The following POT1 variants were observed in gnomAD, a reference collection of about 807,000 sequenced individuals.
POT1 encodes protection of telomeres protein 1.
In POT1, 47 loss-of-function variants were observed where a neutral mutation model predicts 78.5. The observed-to-expected ratio is 0.60, with a 90% CI of 0.47 to 0.76. The LOEUF is 0.76. Among genes scored for constraint, POT1 ranks in the 30% least tolerant of loss-of-function variants. The pLI, the probability that POT1 is intolerant of heterozygous loss-of-function variation, is 0.00. For missense variants in POT1, 646 were observed against 749.9 expected (o/e 0.86, Z 1.62); for synonymous variants, 259 against 260.7 (o/e 0.99, Z 0.06).
At chr7:124,892,801 T>G (rs1476376908) in intron 5 of POT1, 2 of 151,682 alleles carry the variant, frequency 1.3e-5, no homozygotes, top group African/African-American at 4.8e-5. Flanking sequence ...AACTTCATTG[T>G]AAATCAAGGA....
intron 10 of POT1, among the ~76,000 whole-genome samples, chr7:124,852,735 A>T (rs752725941): frequency 6.6e-6 from 1 of 152,134 alleles, no homozygotes; most frequent in Non-Finnish European, 1.5e-5. Context: ...GAAGAGAAGC[A>T]TGAGTGTAAA....
intron 6 of POT1, among the ~76,000 whole-genome samples, chr7:124,890,644 C>T (rs1365755098): frequency 6.6e-6 from 1 of 151,850 alleles, no homozygotes; most frequent in Non-Finnish European, 1.5e-5. Flanking sequence ...CCTATCATCT[C>T]CACCAGCAAA....
At chr7:124,868,875 G>A (rs10253613) in intron 7 of POT1, among the ~76,000 whole-genome samples, 32,670 of 150,798 alleles carry the variant, frequency 0.22, 3,950 homozygotes, top group East Asian at 0.3. Context: ...GATTATTTAA[G>A]AATTATTTAT....
At chr7:124,831,008 A>C (rs935183508) in intron 15 of POT1, among the ~76,000 whole-genome samples, 1 of 152,210 alleles carries the variant, frequency 6.6e-6, no homozygotes, top group East Asian at 1.9e-4. Context: ...AGATGTGAAC[A>C]TGGAATTCAT....
chr7:124,876,248 T>C (rs1795987672), intron 6 of POT1, among the ~76,000 whole-genome samples: 2 of 152,262 alleles, frequency 1.3e-5, no homozygotes, highest in South Asian at 4.1e-4. Context: ...GCTATGTTTA[T>C]ATCCTTTTTA....
At chr7:124,891,088 G>A (rs1019042316) in intron 6 of POT1, among the ~76,000 whole-genome samples, 2 of 151,570 alleles carry the variant, frequency 1.3e-5, no homozygotes, top group Non-Finnish European at 3.0e-5. Flanking sequence ...CTGTCTGGAT[G>A]GTCTCCCCCA....
At chr7:124,898,534 T>C (rs1429981936) in intron 3 of POT1, among the ~76,000 whole-genome samples, 160 bp from the exon 4 acceptor site, 1 of 151,944 alleles carries the variant, frequency 6.6e-6, no homozygotes, top group Non-Finnish European at 1.5e-5. Context: ...GCTGAATACA[T>C]TATTTAGACT....
chr7:124,850,731 C>CA lies in POT1; in HGVS notation c.949+1140dup, dbSNP rs948338250. Among the ~76,000 whole-genome samples the CA allele has an allele frequency of 1.0e-2, 1,440 of 144,038 alleles. 19 individuals carry two copies. The highest frequency in any genetic ancestry group is 0.03 in the African/African-American group (1,155 of 39,152). The allele number at this position is 144,038 out of a possible 152,430, so 94.5% of individuals were successfully genotyped here. A position where few individuals can be genotyped will look rare whatever the true frequency, so the allele number is the denominator to read the frequency against. On this transcript the variant is annotated intron_variant, in intron 11 of 18. Transcript: ENST00000357628. ...TGGGAGACAGAGCAAGACTCTGTCTCAAAAAAAAACAAAACAAACAAACAA... is the reference window on the plus strand; with the variant it reads ...TGGGAGACAGAGCAAGACTCTGTCTCAAAAAAAAAACAAAACAAACAAACAA...
chr7:124,907,887 T>C (rs1248509544), intron 3 of POT1, among the ~76,000 whole-genome samples: 1 of 152,096 alleles, frequency 6.6e-6, no homozygotes, highest in African/African-American at 2.4e-5. Context: ...GATTATTTAT[T>C]TGCATATTAA....
At chr7:124,873,202 T>C (rs1795911160) in intron 6 of POT1, among the ~76,000 whole-genome samples, 1 of 152,186 alleles carries the variant, frequency 6.6e-6, no homozygotes, top group Admixed American at 6.5e-5. Flanking sequence ...CCTGAGCTTT[T>C]GAGGTCCTTT....
chr7:124,897,766 C>T (rs1177255425), intron 4 of POT1, among the ~76,000 whole-genome samples: 2 of 151,750 alleles, frequency 1.3e-5, no homozygotes, highest in African/African-American at 4.8e-5. Flanking sequence ...CAGATGTTGG[C>T]CTGCAGGCTT....
At chr7:124,902,669 A>G (rs1351325552) in intron 3 of POT1, among the ~76,000 whole-genome samples, 1 of 152,222 alleles carries the variant, frequency 6.6e-6, no homozygotes, top group East Asian at 1.9e-4. Flanking sequence ...AAATTCACAT[A>G]TAACAATATT....
In POT1 at chr7:124,897,159, T is replaced by A. The variant is rs750242979; in HGVS notation, c.9+6A>T. ...ATACTCTAAATTAAACTGAATATCATCTTACCAAAGACATTGATTCTGTAG... is the reference window on the plus strand; with the variant it reads ...ATACTCTAAATTAAACTGAATATCAACTTACCAAAGACATTGATTCTGTAG... On this transcript the variant is annotated splice_donor_region_variant and intron_variant, in intron 5 of 18. Transcript: ENST00000357628. 1 of 1,450,610 alleles carries A rather than the reference T, an allele frequency of 6.9e-7. No individual in the cohort carries two copies. The highest frequency in any genetic ancestry group is 1.2e-5 in the South Asian group (1 of 82,710). The allele number at this position is 1,450,610 out of a possible 1,614,324, so 89.9% of individuals were successfully genotyped here.
In POT1 at chr7:124,829,288, A is replaced by G; in HGVS notation, c.1560T>C (p.Asp520=). ...CAGAAGAAGGAATCCACGATGTTTT[A>G]TCAACCAGGGAATTTAGATTTTGTA... The part of the protein sequence containing the change: ...RSIQNLNSLV[D]KTSWIPSSVA... The change falls in exon 16 of 19, where the codon GAT becomes GAC. Residue 520 remains aspartate (D), a synonymous_variant. Transcript: ENST00000357628. 1 of 1,606,444 alleles carries G rather than the reference A, an allele frequency of 6.2e-7. No homozygotes were observed. Among genetic ancestry groups the G allele is most frequent in the Non-Finnish European group, 8.5e-7 (1 of 1,173,216 alleles).
chr7:124,874,482 C>T (rs1467315063), intron 6 of POT1, among the ~76,000 whole-genome samples: 6 of 152,156 alleles, frequency 3.9e-5, no homozygotes, highest in Admixed American at 6.5e-5. Context: ...CACTGTAATC[C>T]TAGCACTTTG....
chr7:124,901,049 T>C (rs1474602880), intron 3 of POT1, among the ~76,000 whole-genome samples: 1 of 152,094 alleles, frequency 6.6e-6, no homozygotes, highest in African/African-American at 2.4e-5. Context: ...CCTGCCTGCC[T>C]CTGTAGATTC....
intron 2 of POT1, among the ~76,000 whole-genome samples, chr7:124,922,563 G>C (rs1273831280): frequency 6.6e-6 from 1 of 151,888 alleles, no homozygotes; most frequent in Non-Finnish European, 1.5e-5. Flanking sequence ...TGTAACATGG[G>C]GAGTGGTACA....
chr7:124,904,997 CACAA>C (rs1238841534), intron 3 of POT1, among the ~76,000 whole-genome samples: 1 of 152,130 alleles, frequency 6.6e-6, no homozygotes, highest in Non-Finnish European at 1.5e-5. Context: ...TAAAAGAGGA[CACAA>C]ACAAATAGAA....
intron 11 of POT1, 191 bp downstream of exon 11, chr7:124,851,681 G>T: frequency 1.7e-6 from 1 of 572,988 alleles, no homozygotes; most frequent in South Asian, 2.2e-5. Context: ...ATTTGAAAAC[G>T]TAATTATATA....
Sources: allele counts gnomAD v4.1 joint callset (sites outside exome capture counted in the v4.1 genomes callset), GRCh38; gene constraint gnomAD v4.1.1; transcripts MANE v1.5; gene names NCBI Gene and HGNC (gene_info 2026-07-23, HGNC 2026-07-21).